The following OXNAD1 variants were observed in gnomAD, a reference collection of about 807,000 sequenced individuals.
OXNAD1 encodes oxidoreductase NAD-binding domain-containing protein 1.
OXNAD1 carries 34 observed loss-of-function variants against 32.9 expected under a neutral mutation model. The observed-to-expected ratio is 1.03, with a 90% CI of 0.79 to 1.38. The LOEUF (loss-of-function observed/expected upper bound fraction) is 1.38. Among genes scored for constraint, OXNAD1 ranks in the 40% most tolerant of loss-of-function variants. The probability of loss-of-function intolerance (pLI) is 0.00; values close to 1 mark genes in which losing one functional copy is unlikely to be tolerated. For missense variants in OXNAD1, 407 were observed against 379.4 expected (o/e 1.07, Z -0.60); for synonymous variants, 134 against 135.2 (o/e 0.99, Z 0.06).
At chr3:16,318,192 G>T (rs1005165799) in intron 9 of OXNAD1, among the ~76,000 whole-genome samples, 1 of 152,014 alleles carries the variant, frequency 6.6e-6, no homozygotes, top group Admixed American at 6.6e-5. Context: ...GTCACTGACC[G>T]GCCAAGTTTC....
At position 16,320,015 on chromosome 3, in the gene OXNAD1, C is replaced by A. The variant is rs2068864736; in HGVS notation, c.*30+16423C>A. 6.6e-6 allele frequency among the ~76,000 whole-genome samples: 1 copy of A among 152,194 alleles called. No individual in the cohort carries two copies. The highest frequency in any genetic ancestry group is 2.4e-5 in the African/African-American group (1 of 41,452). ...GCATCTGTGGCAGTTGGGTGTGTCA[C>A]CAAATCCAATTAGCCGCCCAATTCA... is the stretch of plus-strand genomic sequence containing the variant. On this transcript the variant is annotated intron_variant, in intron 9 of 9. Coordinates refer to the OXNAD1 transcript ENST00000435829. This position sits in a 1 kb window ranked among gnomAD's most constrained non-coding sequence, Gnocchi z 4.5.
At chr3:16,308,204 T>C (rs2067705263), downstream of OXNAD1, among the ~76,000 whole-genome samples, 1 of 152,160 alleles carries the variant, frequency 6.6e-6, no homozygotes, top group Admixed American at 6.5e-5. The surrounding 1 kb of genome is among the most constrained non-coding windows in gnomAD (Gnocchi z 4.4). Flanking sequence ...TTCGACAAAA[T>C]TGAAAGTGGA....
At chr3:16,283,980 C>T (rs931176852) in intron 4 of OXNAD1, among the ~76,000 whole-genome samples, 3 of 152,126 alleles carry the variant, frequency 2.0e-5, no homozygotes. Flanking sequence ...GCTAGGTTAC[C>T]TGTGGTTAAG....
chr3:16,282,865 C>T (rs1404062226), intron 4 of OXNAD1, among the ~76,000 whole-genome samples: 2 of 114,376 alleles, frequency 1.7e-5, no homozygotes, highest in Non-Finnish European at 3.3e-5. Flanking sequence ...TAGTAGAGAG[C>T]CGTTTAAGGT....
At position 16,299,713 on chromosome 3, in the gene OXNAD1, G is replaced by C. The variant is rs1056178956; in HGVS notation, c.433-1913G>C. On this transcript the variant is annotated intron_variant, in intron 6 of 8. Transcript: ENST00000285083. This position sits in a 1 kb window ranked among gnomAD's most constrained non-coding sequence, Gnocchi z 4.4. Reference sequence around the variant, plus strand: ...ATGCTAAGGGTTTGGTTCTCAAAAAGCACGCGATGTGTTATTACTTCTTAG... The same window carrying C: ...ATGCTAAGGGTTTGGTTCTCAAAAACCACGCGATGTGTTATTACTTCTTAG... Among the ~76,000 whole-genome samples the C allele has an allele frequency of 6.6e-6, 1 of 152,194 alleles. No homozygotes were observed. Among genetic ancestry groups the C allele is most frequent in the Admixed American group, 6.5e-5 (1 of 15,276 alleles).
chr3:16,278,505 A>G (rs2065510193), intron 4 of OXNAD1, among the ~76,000 whole-genome samples: 2 of 152,254 alleles, frequency 1.3e-5, no homozygotes, highest in East Asian at 1.9e-4. Flanking sequence ...TTTGCCTGAA[A>G]TAGTCCTGGT....
intron 4 of OXNAD1, among the ~76,000 whole-genome samples, chr3:16,282,037 A>ATTTTTTT (rs779324288): frequency 3.1e-5 from 3 of 95,726 alleles, no homozygotes; most frequent in African/African-American, 4.5e-5. Flanking sequence ...AATGTTTGTA[A>ATTTTTTT]TTTTTTTTTT....
rs576946552 is a variant in OXNAD1, at chr3:16,344,741, G to A, written c.*31-4435G>A. 1.8e-4 allele frequency among the ~76,000 whole-genome samples: 27 copies of A among 152,222 alleles called. No homozygotes were observed. In the East Asian group the frequency reaches 4.0e-3, roughly 23 times the overall value. On this transcript the variant is annotated intron_variant, in intron 9 of 9. Transcript: ENST00000606098. This position sits in a 1 kb window ranked among gnomAD's most constrained non-coding sequence, Gnocchi z 4.4. ...ATGAAAGCACATCGTTGCCAAGTGC[G>A]GCCTCTCAATCAGTTATACACCACC...
chr3:16,347,283 A>G (rs1370269030), intron 9 of OXNAD1, among the ~76,000 whole-genome samples: 2 of 152,250 alleles, frequency 1.3e-5, no homozygotes, highest in East Asian at 1.9e-4. Context: ...ACGTCCATGC[A>G]TGTTATATCC....
rs1438054506 is a variant in OXNAD1, at chr3:16,334,948, G to C, written c.*31-2164G>C. Reference sequence around the variant, plus strand: ...AGCAGCAGAGGCTGGAGTGATGCAGGGAAGGGGCCACGAGCCAAGGAACAT... The same window carrying C: ...AGCAGCAGAGGCTGGAGTGATGCAGCGAAGGGGCCACGAGCCAAGGAACAT... On this transcript the variant is annotated intron_variant, in intron 9 of 9. Coordinates refer to the OXNAD1 transcript ENST00000435829. This position sits in a 1 kb window ranked among gnomAD's most constrained non-coding sequence, Gnocchi z 4.3. 6.6e-6 allele frequency among the ~76,000 whole-genome samples: 1 copy of C among 152,194 alleles called. No homozygotes were observed. The highest frequency in any genetic ancestry group is 1.5e-5 in the Non-Finnish European group (1 of 68,036).
intron 9 of OXNAD1, among the ~76,000 whole-genome samples, chr3:16,311,599 G>A (rs938881129): frequency 2.0e-5 from 3 of 152,110 alleles, no homozygotes; most frequent in African/African-American, 7.2e-5. Context: ...GACAGGGTTG[G>A]TAGCTTCAAT....
In OXNAD1 at chr3:16,327,048, A is replaced by G. The variant is rs1414819076; in HGVS notation, c.*31-10064A>G. On this transcript the variant is annotated intron_variant, in intron 9 of 9. Transcript: ENST00000435829. This position sits in a 1 kb window ranked among gnomAD's most constrained non-coding sequence, Gnocchi z 4.2. ...TGAAGACTTTAAAAGTTTGGAGTCA[A>G]ACTGCCAACATGGGATTTCCTTCTG... Among the ~76,000 whole-genome samples the G allele has an allele frequency of 2.0e-5, 3 of 152,224 alleles. No homozygotes were observed. The highest frequency in any genetic ancestry group is 1.9e-4 in the East Asian group (1 of 5,198).
At chr3:16,296,020 G>A (rs2066762755) in intron 6 of OXNAD1, among the ~76,000 whole-genome samples, 1 of 152,140 alleles carries the variant, frequency 6.6e-6, no homozygotes, top group South Asian at 2.1e-4. Flanking sequence ...ATACATGAGG[G>A]AGTGGGGTGG....
Position 16,270,237 on chromosome 3 carries a change from TTC to T in OXNAD1, c.-8-704_-8-703del, listed in dbSNP as rs1295583768. 2.0e-5 allele frequency among the ~76,000 whole-genome samples: 3 copies of T among 152,372 alleles called. No homozygotes were observed. The East Asian group carries it at 5.8e-4, about 29-fold the overall frequency. ...TGATTTCTGACATCATGGATTCATT[TTC>T]TCTGTTTTTATACTTTATATGATTA... On this transcript the variant is annotated intron_variant, in intron 2 of 8. Transcript: ENST00000285083.
At chr3:16,328,513 G>T (rs951723142) in intron 9 of OXNAD1, among the ~76,000 whole-genome samples, 2 of 152,180 alleles carry the variant, frequency 1.3e-5, no homozygotes, top group African/African-American at 2.4e-5. Flanking sequence ...TTCCAGAGTG[G>T]CTATCAAGTC....
chr3:16,328,486 C>T (rs1192939113), intron 9 of OXNAD1, among the ~76,000 whole-genome samples: 1 of 152,240 alleles, frequency 6.6e-6, no homozygotes, highest in Non-Finnish European at 1.5e-5. Context: ...TTTAAAGCTT[C>T]TATAACTGGA....
rs1179228126 is a variant in OXNAD1 at position 16,336,433 on chromosome 3, C to T, written c.*31-679C>T. 6.6e-6 allele frequency among the ~76,000 whole-genome samples: 1 copy of T among 152,200 alleles called. No homozygotes were observed. The highest frequency in any genetic ancestry group is 1.5e-5 in the Non-Finnish European group (1 of 68,036). On this transcript the variant is annotated intron_variant, in intron 9 of 9. Coordinates refer to the OXNAD1 transcript ENST00000435829. This position sits in a 1 kb window ranked among gnomAD's most constrained non-coding sequence, Gnocchi z 6.0. The stretch of plus-strand genomic sequence containing the variant: ...GCTGCTCTGTGGAGAAACAGCAAAG[C>T]CCTCTGCAGCCAGCACAGCTGGCCT...
chr3:16,338,518 C>T (rs1288516196), downstream of OXNAD1, among the ~76,000 whole-genome samples: 1 of 152,254 alleles, frequency 6.6e-6, no homozygotes. This position sits in a 1 kb window ranked among gnomAD's most constrained non-coding sequence, Gnocchi z 5.3. Flanking sequence ...ACATTGAGTG[C>T]TTCAGGGTGA....
In OXNAD1 at chr3:16,290,200, T is replaced by C. The variant is rs539296157; in HGVS notation, c.290+3752T>C. Among the ~76,000 whole-genome samples the C allele has an allele frequency of 6.6e-6, 1 of 152,284 alleles. No homozygotes were observed. The highest frequency in any genetic ancestry group is 1.9e-4 in the East Asian group (1 of 5,184). On this transcript the variant is annotated intron_variant, in intron 5 of 8. Transcript: ENST00000285083. The surrounding 1 kb of genome is among the most constrained non-coding windows in gnomAD (Gnocchi z 4.2). Reference sequence around the variant, plus strand: ...GCTCCTTCTGCATACACTCACTCATTGGGTATATAGTAAGGGCTTTAACTC... The same window carrying C: ...GCTCCTTCTGCATACACTCACTCATCGGGTATATAGTAAGGGCTTTAACTC...
Sources: allele counts gnomAD v4.1 joint callset (sites outside exome capture counted in the v4.1 genomes callset), GRCh38; gene constraint gnomAD v4.1.1; non-coding constraint Gnocchi (gnomAD v3.1); transcripts MANE v1.5; gene names NCBI Gene and HGNC (gene_info 2026-07-23, HGNC 2026-07-21).